The following CELF2 variants were observed in gnomAD, a reference collection of about 807,000 sequenced individuals.
CELF2 encodes CUGBP Elav-like family member 2.
Under a neutral mutation model 62.6 loss-of-function variants are expected in CELF2, and 8 were observed. The observed-to-expected ratio is 0.13, with a 90% CI of 0.07 to 0.23. CELF2 has a LOEUF of 0.23. CELF2 is among the 10% of genes least tolerant of loss of function. The pLI is 1.00. For missense variants in CELF2, 333 were observed against 671.0 expected (o/e 0.50, Z 5.56); for synonymous variants, 258 against 250.0 (o/e 1.03, Z -0.30).
chr10:10,567,547 A>G, the CELF2 span, among the ~76,000 whole-genome samples: 1 of 152,190 alleles, frequency 6.6e-6, no homozygotes, highest in East Asian at 1.9e-4. Context: ...TCAGCAGGCT[A>G]CTAGGAACTC....
intron 2 of CELF2, among the ~76,000 whole-genome samples, chr10:10,988,095 A>G (rs1420052045): frequency 2.0e-5 from 3 of 152,256 alleles, no homozygotes; most frequent in East Asian, 3.9e-4. Flanking sequence ...CAATCCAGCA[A>G]TCCCAGAGGA....
chr10:11,093,197 A>G (rs143502563), intron 1 of CELF2, among the ~76,000 whole-genome samples: 97 of 152,176 alleles, frequency 6.4e-4, no homozygotes, highest in Non-Finnish European at 1.1e-3. Context: ...GCTGCTCTCA[A>G]TCATTTGTGG....
intron 7 of CELF2, among the ~76,000 whole-genome samples, chr10:11,271,602 G>T (rs2083802820): frequency 6.6e-6 from 1 of 152,146 alleles, no homozygotes; most frequent in Non-Finnish European, 1.5e-5. Flanking sequence ...CTGCTAAATT[G>T]TGCTCTTCTA....
chr10:10,730,373 A>G, the CELF2 span, among the ~76,000 whole-genome samples: 5 of 152,220 alleles, frequency 3.3e-5, no homozygotes, highest in Admixed American at 1.3e-4. Context: ...GCTACTTGGG[A>G]GGCTGAGGCA....
In CELF2 at chr10:11,247,321, C is replaced by T. The variant is rs2075890129; in HGVS notation, c.355-1832C>T. 1.3e-5 allele frequency among the ~76,000 whole-genome samples: 2 copies of T among 152,208 alleles called. No homozygotes were observed. The highest frequency in any genetic ancestry group is 4.1e-4 in the South Asian group (2 of 4,834). ...TCCTCCATGCTCACACTGGGAGCTCCCTGTGAGAGGGAACTGTCACCCTTC... is the reference window on the plus strand; with the variant it reads ...TCCTCCATGCTCACACTGGGAGCTCTCTGTGAGAGGGAACTGTCACCCTTC... On this transcript the variant is annotated intron_variant, in intron 3 of 12. Coordinates refer to ENST00000633077, the MANE Select transcript of CELF2 (RefSeq NM_001326342.2). The surrounding 1 kb of genome is among the most constrained non-coding windows in gnomAD (Gnocchi z 5.4).
In CELF2 at chr10:11,324,515, G is replaced by A. The variant is rs547245042; in HGVS notation, c.1295-1321G>A. 2.1e-4 allele frequency among the ~76,000 whole-genome samples: 32 copies of A among 152,246 alleles called. No homozygotes were observed. Among genetic ancestry groups the A allele is most frequent in the African/African-American group, 7.7e-4 (32 of 41,560 alleles). On this transcript the variant is annotated intron_variant, in intron 11 of 12. Transcript: ENST00000633077. This position sits in a 1 kb window ranked among gnomAD's most constrained non-coding sequence, Gnocchi z 4.7. ...GACTCCTTCCCATGCCCTAGAATAC[G>A]GATATATCCCAGGAAATTGGCAGCA...
intron 2 of CELF2, among the ~76,000 whole-genome samples, chr10:10,958,608 C>T (rs2049148346): frequency 6.6e-6 from 1 of 151,640 alleles, no homozygotes; most frequent in East Asian, 2.0e-4. Flanking sequence ...GTTTGGGAGG[C>T]CCAGGCAGGA....
At chr10:10,705,817 C>T in the CELF2 span, among the ~76,000 whole-genome samples, 8 of 152,142 alleles carry the variant, frequency 5.3e-5, no homozygotes, top group African/African-American at 1.9e-4. Context: ...GTCTGTGTGT[C>T]CCAGTTCGCC....
At chr10:10,697,971 T>C in the CELF2 span, among the ~76,000 whole-genome samples, 1 of 152,158 alleles carries the variant, frequency 6.6e-6, no homozygotes, top group Non-Finnish European at 1.5e-5. Context: ...TTTTGTATTT[T>C]TAGTACAGAC....
At chr10:11,222,924 G>A (rs1042285272) in intron 3 of CELF2, among the ~76,000 whole-genome samples, 5 of 152,140 alleles carry the variant, frequency 3.3e-5, no homozygotes. Flanking sequence ...ATGTCTATAT[G>A]CCCATAAACA....
At chr10:10,801,360 G>A (rs2054644711) in intron 1 of CELF2, among the ~76,000 whole-genome samples, 1 of 152,180 alleles carries the variant, frequency 6.6e-6, no homozygotes, top group African/African-American at 2.4e-5. Context: ...TTCCTTAATT[G>A]TTTACAACAA....
At chr10:10,742,428 A>AG in the CELF2 span, among the ~76,000 whole-genome samples, 1 of 152,098 alleles carries the variant, frequency 6.6e-6, no homozygotes, top group African/African-American at 2.4e-5. Flanking sequence ...CAGGGGTTCA[A>AG]GAACAGCCTC....
the CELF2 span, among the ~76,000 whole-genome samples, chr10:10,494,025 G>A: frequency 2.0e-5 from 3 of 152,188 alleles, no homozygotes; most frequent in African/African-American, 7.2e-5. Context: ...GGGCCCTGAA[G>A]TGTTTCCAGG....
chr10:10,746,406 G>A, the CELF2 span, among the ~76,000 whole-genome samples: 1 of 152,194 alleles, frequency 6.6e-6, no homozygotes, highest in African/African-American at 2.4e-5. Flanking sequence ...TCAGCCTCTT[G>A]GAGAGATGCT....
intron 1 of CELF2, among the ~76,000 whole-genome samples, chr10:11,042,579 A>T (rs1035652452): frequency 1.3e-5 from 2 of 152,114 alleles, no homozygotes; most frequent in African/African-American, 4.8e-5. Flanking sequence ...AAAATGTTCA[A>T]TTCAGTGGTT....
chr10:10,847,290 G>T (rs1257655469), intron 1 of CELF2, among the ~76,000 whole-genome samples: 1 of 152,130 alleles, frequency 6.6e-6, no homozygotes. Flanking sequence ...CTGTATTCTA[G>T]TCCTGTCTCA....
At chr10:10,821,670 A>T (rs2056976224) in intron 1 of CELF2, among the ~76,000 whole-genome samples, 1 of 151,904 alleles carries the variant, frequency 6.6e-6, no homozygotes, top group Non-Finnish European at 1.5e-5. Context: ...TTTAAGGATC[A>T]TGTCTTGCTC....
At chr10:10,526,711 G>A in the CELF2 span, among the ~76,000 whole-genome samples, 1 of 152,158 alleles carries the variant, frequency 6.6e-6, no homozygotes, top group Non-Finnish European at 1.5e-5. Context: ...AATGTTTGTT[G>A]AATACACAAA....
the CELF2 span, among the ~76,000 whole-genome samples, chr10:10,612,514 A>G: frequency 6.6e-6 from 1 of 152,214 alleles, no homozygotes; most frequent in Non-Finnish European, 1.5e-5. Context: ...TGATTAGCAG[A>G]GACACATTCT....
Sources: gnomAD v4.1 joint callset for allele counts (sites outside exome capture counted in the v4.1 genomes callset) on GRCh38, gnomAD v4.1.1 for gene constraint, Gnocchi (gnomAD v3.1) non-coding constraint, MANE v1.5 for transcripts, NCBI Gene and HGNC (gene_info 2026-07-23, HGNC 2026-07-21) for gene names.